Variants in ZNF385D observed in about 807,000 individuals in gnomAD.
ZNF385D encodes zinc finger protein 659.
ZNF385D carries 15 observed loss-of-function variants against 35.8 expected under a neutral mutation model. The ratio of observed to expected loss-of-function variants is 0.42; its 90% CI spans 0.28 to 0.64. The LOEUF (loss-of-function observed/expected upper bound fraction) is 0.64. Ranked by LOEUF, ZNF385D falls within the 30% of genes least tolerant of loss-of-function variation. The pLI is 0.23. For missense variants in ZNF385D, 474 were observed against 494.6 expected (o/e 0.96, Z 0.39); for synonymous variants, 212 against 186.8 (o/e 1.13, Z -1.10).
At position 21,705,621 on chromosome 3, in the gene ZNF385D, T is replaced by A. The variant is rs114139068; in HGVS notation, c.23-40593A>T. ...TCCTCAAAGGTCATTTCTTAATCTC[T>A]TCATTTTACACCTGGGGAAATTAAA... On this transcript the variant is annotated intron_variant, in intron 1 of 7. Transcript: ENST00000281523. Among the ~76,000 whole-genome samples, 1,159 of 152,306 alleles carry A rather than the reference T, an allele frequency of 7.6e-3. 9 individuals are homozygous for A. Among genetic ancestry groups the A allele is most frequent in the Non-Finnish European group, 0.013 (918 of 68,020 alleles).
chr3:21,586,340 T>C (rs1327737945), intron 2 of ZNF385D, among the ~76,000 whole-genome samples: 1 of 152,162 alleles, frequency 6.6e-6, no homozygotes, highest in Non-Finnish European at 1.5e-5. Flanking sequence ...TGAAATAATA[T>C]AAGCAAAGTA....
intron 3 of ZNF385D, among the ~76,000 whole-genome samples, chr3:21,983,121 G>A (rs997635717): frequency 2.0e-5 from 3 of 150,144 alleles, no homozygotes; most frequent in African/African-American, 4.9e-5. Flanking sequence ...AATTGGGGAG[G>A]AGTCCCTCCT....
chr3:22,047,168 T>A (rs1419248939), intron 3 of ZNF385D, among the ~76,000 whole-genome samples: 2 of 152,120 alleles, frequency 1.3e-5, no homozygotes. Context: ...TGTTCTGAAA[T>A]GTATACATTG....
At chr3:21,604,879 A>T (rs2064430156) in intron 2 of ZNF385D, among the ~76,000 whole-genome samples, 1 of 152,162 alleles carries the variant, frequency 6.6e-6, no homozygotes, top group Non-Finnish European at 1.5e-5. Context: ...TTTTATGTTT[A>T]TTTATTTGGC....
intron 3 of ZNF385D, among the ~76,000 whole-genome samples, chr3:22,025,355 C>T (rs1697473387): frequency 6.6e-6 from 1 of 152,124 alleles, no homozygotes; most frequent in African/African-American, 2.4e-5. Context: ...GGACCTATAA[C>T]TAAAGTCCTA....
intron 3 of ZNF385D, among the ~76,000 whole-genome samples, chr3:22,006,807 A>G (rs1243196960): frequency 6.6e-6 from 1 of 152,028 alleles, no homozygotes; most frequent in Non-Finnish European, 1.5e-5. Flanking sequence ...ACCAAAAACT[A>G]AAAGGGAACA....
At chr3:22,210,383 T>A (rs920920596) in intron 2 of ZNF385D, among the ~76,000 whole-genome samples, 3 of 151,850 alleles carry the variant, frequency 2.0e-5, no homozygotes, top group Non-Finnish European at 2.9e-5. Context: ...CAACCACAGG[T>A]GAGTTGAGAA....
Position 21,997,872 on chromosome 3 carries a change from C to CGT in ZNF385D, c.325+170943_325+170944dup, listed in dbSNP as rs751459423. 7.4e-3 allele frequency among the ~76,000 whole-genome samples: 668 copies of CGT among 90,178 alleles called. 5 individuals are homozygous for CGT. The highest frequency in any genetic ancestry group is 0.025 in the East Asian group (78 of 3,086). The allele number at this position is 90,178 out of a possible 152,430, so 59.2% of individuals were successfully genotyped here. A position where few individuals can be genotyped will look rare whatever the true frequency, so the allele number is the denominator to read the frequency against. ...TTGCTATTTGGCGCGCGCGCGCGCG[C>CGT]GTGTGTGTGTGTGTGTGTGTGTGTG... On this transcript the variant is annotated intron_variant, in intron 3 of 5. Transcript: ENST00000494108.
At position 21,530,951 on chromosome 3, in the gene ZNF385D, C is replaced by T. The variant is rs112886419; in HGVS notation, c.277-19928G>A. Among the ~76,000 whole-genome samples the T allele has an allele frequency of 1.5e-3, 230 of 152,152 alleles. 1 individual carries two copies. The highest frequency in any genetic ancestry group is 6.8e-3 in the Middle Eastern group (2 of 294). On this transcript the variant is annotated intron_variant, in intron 3 of 7. Coordinates refer to ENST00000281523, the MANE Select transcript of ZNF385D (RefSeq NM_024697.3). ...GTTTAAACACTGTGTTAAATCCTAG[C>T]GCTGCAGTGGCTAAGAAACCAAAAG...
At chr3:21,898,589 T>C (rs2125893970) in intron 3 of ZNF385D, among the ~76,000 whole-genome samples, 1 of 152,270 alleles carries the variant, frequency 6.6e-6, no homozygotes, top group Non-Finnish European at 1.5e-5. Context: ...CCAGAAGTTG[T>C]AAATGCAACA....
chr3:21,711,373 C>CTT (rs1036968940), intron 1 of ZNF385D, among the ~76,000 whole-genome samples: 4 of 152,102 alleles, frequency 2.6e-5, no homozygotes, highest in African/African-American at 9.7e-5. Context: ...AATACGTAAT[C>CTT]TTTTTCCCCT....
intron 3 of ZNF385D, among the ~76,000 whole-genome samples, chr3:22,143,185 C>G (rs13094519): frequency 0.13 from 19,631 of 151,684 alleles, 1,488 homozygotes; most frequent in Non-Finnish European, 0.18. Flanking sequence ...CAAGTTCACT[C>G]CATTCTCCTG....
intron 2 of ZNF385D, among the ~76,000 whole-genome samples, chr3:22,251,397 C>T (rs1331049056): frequency 6.6e-6 from 1 of 152,084 alleles, no homozygotes; most frequent in Non-Finnish European, 1.5e-5. Context: ...AATATAATAC[C>T]ATGTATTACA....
At chr3:21,848,889 T>A (rs773717388) in intron 3 of ZNF385D, among the ~76,000 whole-genome samples, 3 of 152,094 alleles carry the variant, frequency 2.0e-5, no homozygotes, top group Non-Finnish European at 4.4e-5. Flanking sequence ...TTGTTGTGAA[T>A]AGATAATTAG....
At chr3:21,926,228 G>A (rs1700719761) in intron 3 of ZNF385D, among the ~76,000 whole-genome samples, 2 of 151,868 alleles carry the variant, frequency 1.3e-5, no homozygotes, top group South Asian at 2.1e-4. Context: ...GTGGTTTGCT[G>A]CTCCCATAAA....
intron 2 of ZNF385D, among the ~76,000 whole-genome samples, chr3:21,612,121 C>T (rs1162766780): frequency 6.6e-6 from 1 of 152,060 alleles, no homozygotes; most frequent in Admixed American, 6.6e-5. Context: ...CTCTGTAGCC[C>T]AGCCTGGAGT....
intron 1 of ZNF385D, among the ~76,000 whole-genome samples, chr3:21,690,997 A>T (rs1240631215): frequency 1.3e-5 from 2 of 151,974 alleles, no homozygotes; most frequent in Non-Finnish European, 2.9e-5. Context: ...TTTTTCCCTC[A>T]TTAAAATCTG....
chr3:21,864,332 G>A lies in ZNF385D; in HGVS notation c.326-199304C>T, dbSNP rs75467527. 2.5e-4 allele frequency among the ~76,000 whole-genome samples: 38 copies of A among 152,212 alleles called. No homozygotes were observed. In the East Asian group the frequency reaches 6.4e-3, roughly 26 times the overall value. ...CCATTTACGGTAAAAAGGGAATGCA[G>A]CGGATGCAAAGTCTTAGGAAAATTA... On this transcript the variant is annotated intron_variant, in intron 3 of 5. Transcript: ENST00000494108.
chr3:21,461,569 C>CAAACAAACAA (rs142496638), intron 4 of ZNF385D, among the ~76,000 whole-genome samples: 3,075 of 152,220 alleles, frequency 0.02, 100 homozygotes, highest in African/African-American at 0.07. Flanking sequence ...AACAAACAAA[C>CAAACAAACAA]AAACAAATCT....
Sources: gnomAD v4.1 joint callset for allele counts (sites outside exome capture counted in the v4.1 genomes callset) on GRCh38, gnomAD v4.1.1 for gene constraint, MANE v1.5 for transcripts, NCBI Gene and HGNC (gene_info 2026-07-23, HGNC 2026-07-21) for gene names.